NCAM1: variants seen among roughly 807,000 people sequenced by gnomAD.
NCAM1 encodes the protein antigen recognized by monoclonal antibody 5.1H11.
Under a neutral mutation model 109.8 loss-of-function variants are expected in NCAM1, and 14 were observed. The ratio of observed to expected loss-of-function variants is 0.13; its 90% CI spans 0.08 to 0.20. NCAM1 has a LOEUF of 0.20. Ranked by LOEUF, NCAM1 falls within the 10% of genes least tolerant of loss-of-function variation. NCAM1 has a pLI of 1.00. For missense variants in NCAM1, 774 were observed against 1,109.9 expected (o/e 0.70, Z 4.30); for synonymous variants, 418 against 442.9 (o/e 0.94, Z 0.70).
rs1178365752 is a variant in NCAM1 at position 113,261,324 on chromosome 11, G to T, written c.2131+1001G>T. 2.2e-4 allele frequency among the ~76,000 whole-genome samples: 34 copies of T among 152,160 alleles called. 1 individual carries two copies. Among genetic ancestry groups the T allele is most frequent in the Admixed American group, 2.2e-3 (34 of 15,280 alleles). ...TGCAGGGATGTATGTGCAAAAATGG[G>T]CTAGGAGAGCAGCAACAAAACGGGA... On this transcript the variant is annotated intron_variant, in intron 17 of 19. Coordinates refer to ENST00000316851, the MANE Select transcript of NCAM1 (RefSeq NM_181351.5).
intron 1 of NCAM1, among the ~76,000 whole-genome samples, chr11:113,014,558 A>G (rs1313188478): frequency 2.0e-5 from 3 of 152,366 alleles, no homozygotes; most frequent in South Asian, 2.1e-4. Context: ...ACTGTGTGAC[A>G]TGATGCAGAA....
chr11:113,081,965 A>G (rs2135684200), intron 1 of NCAM1, among the ~76,000 whole-genome samples: 1 of 152,330 alleles, frequency 6.6e-6, no homozygotes, highest in East Asian at 1.9e-4. Context: ...TATGCCATAT[A>G]CAAATATACA....
intron 9 of NCAM1, among the ~76,000 whole-genome samples, chr11:113,230,598 C>T (rs1172860077): frequency 1.3e-5 from 2 of 152,202 alleles, no homozygotes; most frequent in African/African-American, 4.8e-5. Flanking sequence ...TCCAAAGAAC[C>T]TGAAGCCAAT....
intron 1 of NCAM1, among the ~76,000 whole-genome samples, chr11:113,119,901 G>A (rs1940886033): frequency 6.6e-6 from 1 of 152,216 alleles, no homozygotes; most frequent in Admixed American, 6.5e-5. Flanking sequence ...ACCAGGGCTA[G>A]TTTATTATTA....
At position 113,224,250 on chromosome 11, in the gene NCAM1, C is replaced by T. The variant is rs183826050; in HGVS notation, c.1089+2925C>T. ...TTCCCACCCTAATACTACACTTTTC[C>T]GATGGTCTTAGCAAACGGCACACCA... On this transcript the variant is annotated intron_variant, in intron 9 of 19. Transcript: ENST00000316851. Among the ~76,000 whole-genome samples, 13 of 152,290 alleles carry T rather than the reference C, an allele frequency of 8.5e-5. No homozygotes were observed. In the East Asian group the frequency reaches 1.9e-3, roughly 23 times the overall value.
intron 1 of NCAM1, among the ~76,000 whole-genome samples, chr11:112,997,912 C>A (rs1397138440): frequency 1.3e-5 from 2 of 152,060 alleles, no homozygotes; most frequent in East Asian, 3.9e-4. Flanking sequence ...ATTCTTTTCC[C>A]ACGAAGACAC....
At chr11:113,045,652 T>C (rs1247680360) in intron 1 of NCAM1, among the ~76,000 whole-genome samples, 1 of 152,206 alleles carries the variant, frequency 6.6e-6, no homozygotes, top group Non-Finnish European at 1.5e-5. Context: ...TACGATAATA[T>C]ATCGCAAATG....
intron 15 of NCAM1, among the ~76,000 whole-genome samples, chr11:113,247,295 C>T (rs1215377367): frequency 2.0e-5 from 3 of 152,174 alleles, no homozygotes; most frequent in Non-Finnish European, 4.4e-5. Context: ...TGTTTTGCTT[C>T]CAATCACAGC....
intron 1 of NCAM1, among the ~76,000 whole-genome samples, chr11:113,198,316 A>G (rs1943917749): frequency 6.6e-6 from 1 of 152,150 alleles, no homozygotes; most frequent in South Asian, 2.1e-4. Context: ...ATCTATGAGC[A>G]AAGAGGCCAG....
At chr11:113,077,524 G>C (rs1555086359) in intron 1 of NCAM1, among the ~76,000 whole-genome samples, 1 of 152,088 alleles carries the variant, frequency 6.6e-6, no homozygotes, top group Non-Finnish European at 1.5e-5. Context: ...ATTTAGGCCA[G>C]TTTATTCTTG....
At chr11:113,145,931 C>T (rs1237889221) in intron 1 of NCAM1, among the ~76,000 whole-genome samples, 2 of 152,200 alleles carry the variant, frequency 1.3e-5, no homozygotes, top group African/African-American at 4.8e-5. Flanking sequence ...TCTGGTGACA[C>T]TCCTTTTTTG....
intron 1 of NCAM1, among the ~76,000 whole-genome samples, chr11:113,047,010 G>A (rs1273799995): frequency 2.6e-5 from 4 of 152,210 alleles, no homozygotes; most frequent in Non-Finnish European, 5.9e-5. Context: ...CATGCTTTAA[G>A]CTTTGTATGT....
chr11:113,271,442 A>G (rs564038864), intron 18 of NCAM1, among the ~76,000 whole-genome samples: 2 of 151,884 alleles, frequency 1.3e-5, no homozygotes, highest in African/African-American at 4.8e-5. Flanking sequence ...GTACAGAGAC[A>G]GATGTATGTA....
chr11:113,207,475 C>T (rs544657433), intron 6 of NCAM1, 97 bp downstream of exon 6: 2 of 955,004 alleles, frequency 2.1e-6, no homozygotes, highest in Admixed American at 2.4e-5. Context: ...TGGATGTGGG[C>T]TTCTTAGGAA....
At chr11:113,222,165 A>G (rs1944709290) in intron 9 of NCAM1, among the ~76,000 whole-genome samples, 1 of 152,230 alleles carries the variant, frequency 6.6e-6, no homozygotes. Flanking sequence ...TCTAATCTCT[A>G]AGGACTTTTT....
intron 1 of NCAM1, among the ~76,000 whole-genome samples, chr11:113,051,159 A>G (rs1555081745): frequency 1.3e-5 from 2 of 152,298 alleles, no homozygotes; most frequent in Middle Eastern, 3.4e-3. Context: ...AAATATTTCA[A>G]AGGTAGCTTC....
At chr11:113,055,726 T>A (rs1591287548) in intron 1 of NCAM1, among the ~76,000 whole-genome samples, 4 of 151,720 alleles carry the variant, frequency 2.6e-5, no homozygotes, top group African/African-American at 9.7e-5. Flanking sequence ...GCAGCAAAGG[T>A]GATGAGATAT....
rs555078074 is a variant in NCAM1, at chr11:113,274,684, G to C, written c.2457-583G>C. The stretch of plus-strand genomic sequence containing the variant: ...GCCCACTCTAGTACCCCACCAGGCT[G>C]CCATGAAAAGCTGCCTCCATCAGTG... On this transcript the variant is annotated intron_variant, in intron 19 of 19. Coordinates refer to ENST00000316851, the MANE Select transcript of NCAM1 (RefSeq NM_181351.5). The surrounding 1 kb of genome is among the most constrained non-coding windows in gnomAD (Gnocchi z 4.1). 2.1e-4 allele frequency among the ~76,000 whole-genome samples: 32 copies of C among 152,326 alleles called. No homozygotes were observed. The highest frequency in any genetic ancestry group is 7.5e-4 in the African/African-American group (31 of 41,574).
At chr11:113,050,705 G>C (rs1276421980) in intron 1 of NCAM1, among the ~76,000 whole-genome samples, 3 of 152,078 alleles carry the variant, frequency 2.0e-5, no homozygotes, top group African/African-American at 7.2e-5. Context: ...AAATCACCCA[G>C]ATGCTGTTTT....
Sources: gnomAD v4.1 joint callset for allele counts (sites outside exome capture counted in the v4.1 genomes callset) on GRCh38, gnomAD v4.1.1 for gene constraint, Gnocchi (gnomAD v3.1) non-coding constraint, MANE v1.5 for transcripts, NCBI Gene and HGNC (gene_info 2026-07-23, HGNC 2026-07-21) for gene names.